The following JARID2 variants were observed in gnomAD, a reference collection of about 807,000 sequenced individuals.
JARID2 encodes jumonji and AT-rich interaction domain containing 2, also known as protein Jumonji.
JARID2 carries 21 observed loss-of-function variants against 125.6 expected under a neutral mutation model. The ratio of observed to expected loss-of-function variants is 0.17; its 90% confidence interval spans 0.12 to 0.24. The LOEUF (loss-of-function observed/expected upper bound fraction) is 0.24, where lower values mean the gene tolerates loss of function less well. Ranked by LOEUF, JARID2 falls within the 10% of genes least tolerant of loss-of-function variation. JARID2 has a pLI of 1.00. For missense variants in JARID2, 1,303 were observed against 1,639.6 expected, an observed-to-expected ratio of 0.79 and a Z score of 3.55; for synonymous variants, 736 against 661.6, an observed-to-expected ratio of 1.11 and a Z score of -1.73.
At chr6:15,278,264 C>T (rs1760610601) in intron 1 of JARID2, among the ~76,000 whole-genome samples, 1 of 149,294 alleles carries the variant, frequency 6.7e-6, no homozygotes, top group African/African-American at 2.5e-5. Context: ...AGCTGGGCGC[C>T]GTGGCTCTGC....
At chr6:15,389,430 A>C (rs907442684) in intron 2 of JARID2, among the ~76,000 whole-genome samples, 1 of 152,234 alleles carries the variant, frequency 6.6e-6, no homozygotes. Context: ...GTTTTCACCA[A>C]GGGACCCATG....
intron 8 of JARID2, among the ~76,000 whole-genome samples, chr6:15,503,971 G>A (rs1009881026): frequency 2.6e-5 from 4 of 152,350 alleles, no homozygotes; most frequent in South Asian, 2.1e-4. Flanking sequence ...CGACCAGGTC[G>A]CAACCTCAGT....
intron 2 of JARID2, among the ~76,000 whole-genome samples, chr6:15,390,857 C>T (rs149885039): frequency 1.4e-4 from 21 of 152,286 alleles, no homozygotes; most frequent in African/African-American, 5.1e-4. Flanking sequence ...AAGTATGTCC[C>T]AGGGTCCCAC....
At chr6:15,370,876 G>T (rs533545877) in intron 1 of JARID2, among the ~76,000 whole-genome samples, 1 of 152,248 alleles carries the variant, frequency 6.6e-6, no homozygotes, top group Non-Finnish European at 1.5e-5. Context: ...CAGCTTAATT[G>T]GGACTATTTG....
At chr6:15,479,091 A>ATTT (rs1769489343) in intron 5 of JARID2, among the ~76,000 whole-genome samples, 1 of 152,190 alleles carries the variant, frequency 6.6e-6, no homozygotes, top group South Asian at 2.1e-4. Context: ...CTTGCCAGTG[A>ATTT]TAAAGCACGA....
intron 1 of JARID2, among the ~76,000 whole-genome samples, chr6:15,274,476 A>G (rs1313922762): frequency 6.6e-6 from 1 of 152,216 alleles, no homozygotes; most frequent in Non-Finnish European, 1.5e-5. Flanking sequence ...TCTATTTGTA[A>G]AAGAGGAAAT....
At chr6:15,305,090 G>T (rs971111376) in intron 1 of JARID2, among the ~76,000 whole-genome samples, 19 of 152,220 alleles carry the variant, frequency 1.2e-4, no homozygotes, top group African/African-American at 4.3e-4. Flanking sequence ...TGGTTGGACA[G>T]GGTTTCTTGC....
intron 1 of JARID2, among the ~76,000 whole-genome samples, chr6:15,260,258 A>G (rs1759820139): frequency 6.6e-6 from 1 of 152,060 alleles, no homozygotes; most frequent in African/African-American, 2.4e-5. Flanking sequence ...TCTGAACTTG[A>G]CTTACTTTGA....
chr6:15,375,343 C>T (rs1481894248), intron 2 of JARID2, among the ~76,000 whole-genome samples: 1 of 152,210 alleles, frequency 6.6e-6, no homozygotes, highest in Non-Finnish European at 1.5e-5. Context: ...GAGCCTCTGT[C>T]CACCCTCCCG....
rs189581613 is a variant in JARID2 at position 15,335,009 on chromosome 6, A to G, written c.46-39108A>G. On this transcript the variant is annotated intron_variant, in intron 1 of 17. Coordinates refer to ENST00000341776, the MANE Select transcript of JARID2 (RefSeq NM_004973.4). The stretch of plus-strand genomic sequence containing the variant: ...CTTACTTTCTCTCTTGATTTTATAA[A>G]TGGTAATTGAAAGTCCATAGATTTT... 5.3e-5 allele frequency among the ~76,000 whole-genome samples: 8 copies of G among 152,302 alleles called. No individual in the cohort carries two copies. In the East Asian group the frequency reaches 1.5e-3, roughly 29 times the overall value.
intron 6 of JARID2, 35 bp from the exon 7 acceptor site, chr6:15,496,097 C>T (rs759756184): frequency 3.5e-5 from 55 of 1,555,288 alleles, no homozygotes; most frequent in Non-Finnish European, 4.4e-5. Flanking sequence ...ACTAATTCTG[C>T]GTTTTTTTCC....
At chr6:15,473,514 GCCCCCCCC>G (rs3841758) in intron 5 of JARID2, among the ~76,000 whole-genome samples, 13,590 of 35,090 alleles carry the variant, frequency 0.39, 3,691 homozygotes, top group East Asian at 0.69. Flanking sequence ...TGATGTGCGT[GCCCCCCCC>G]CCCCCCCCGC....
chr6:15,359,930 A>G (rs528611826), intron 1 of JARID2, among the ~76,000 whole-genome samples: 23 of 152,072 alleles, frequency 1.5e-4, no homozygotes, highest in Admixed American at 1.3e-3. Context: ...CAGGTGATCT[A>G]TCTTCCTCGG....
At chr6:15,349,193 TG>T (rs1763345893) in intron 1 of JARID2, among the ~76,000 whole-genome samples, 1 of 152,226 alleles carries the variant, frequency 6.6e-6, no homozygotes, top group Non-Finnish European at 1.5e-5. Context: ...AGATAGGTCC[TG>T]GTTAGTTTTG....
chr6:15,282,344 T>C lies in JARID2; in HGVS notation c.45+35760T>C, dbSNP rs921268490. On this transcript the variant is annotated intron_variant, in intron 1 of 17. Transcript: ENST00000341776. The stretch of plus-strand genomic sequence containing the variant: ...TGAGAGTCTTTATTTTCCTCCCTTC[T>C]TGCCAACACTTAGCATTATACAGCT... Among the ~76,000 whole-genome samples the C allele has an allele frequency of 1.3e-4, 20 of 152,214 alleles. 1 individual carries two copies. Among genetic ancestry groups the C allele is most frequent in the Non-Finnish European group, 4.4e-5 (3 of 68,042 alleles).
chr6:15,377,506 C>T (rs551528945), intron 2 of JARID2, among the ~76,000 whole-genome samples: 1 of 152,094 alleles, frequency 6.6e-6, no homozygotes, highest in Non-Finnish European at 1.5e-5. Flanking sequence ...GAGCCTGTCA[C>T]CCAGGCTGGA....
intron 1 of JARID2, among the ~76,000 whole-genome samples, chr6:15,290,412 G>T (rs1168505148): frequency 6.6e-6 from 1 of 152,156 alleles, no homozygotes; most frequent in Non-Finnish European, 1.5e-5. Flanking sequence ...GTGTGTAATT[G>T]CTGGGCCATA....
At chr6:15,425,167 G>A (rs1347519680) in intron 3 of JARID2, among the ~76,000 whole-genome samples, 1 of 152,184 alleles carries the variant, frequency 6.6e-6, no homozygotes, top group Non-Finnish European at 1.5e-5. Context: ...GACAAACAGA[G>A]AATAGTATAG....
At chr6:15,418,986 C>T (rs999612522) in intron 3 of JARID2, among the ~76,000 whole-genome samples, 8 of 152,168 alleles carry the variant, frequency 5.3e-5, no homozygotes, top group African/African-American at 1.4e-4. Flanking sequence ...TACGAATCTT[C>T]TTGATAGCAT....
Sources: gnomAD v4.1 joint callset for allele counts (sites outside exome capture counted in the v4.1 genomes callset) on GRCh38, gnomAD v4.1.1 for gene constraint, MANE v1.5 for transcripts, NCBI Gene and HGNC (gene_info 2026-07-23, HGNC 2026-07-21) for gene names.